The following POTEB3 variants were observed in gnomAD, a reference collection of about 807,000 sequenced individuals.
POTEB3 encodes POTE ankyrin domain family member B3, also known as ANKRD26-like family B member 1.
A neutral mutation model predicts 39.8 loss-of-function variants in POTEB3; 5 were observed. The observed-to-expected ratio is 0.13, with a 90% CI of 0.07 to 0.26. POTEB3 has a LOEUF of 0.26. Ranked by LOEUF, POTEB3 falls within the 10% of genes least tolerant of loss-of-function variation. The probability of loss-of-function intolerance (pLI) is 1.00; values close to 1 mark genes in which losing one functional copy is unlikely to be tolerated. For synonymous variants in POTEB3, 5 were observed against 161.5 expected, an observed-to-expected ratio of 0.03 and a Z score of 7.35; for missense variants, 24 against 475.6, an observed-to-expected ratio of 0.05 and a Z score of 8.83.
intron 3 of POTEB3, among the ~76,000 whole-genome samples, chr15:21,434,080 CAAAAAA>C (rs71256186): frequency 2.5e-5 from 3 of 120,768 alleles, no homozygotes; most frequent in African/African-American, 9.9e-5. Flanking sequence ...AAAACAAAAA[CAAAAAA>C]AAAACCTCTT....
chr15:21,421,480 G>A (rs1312624071), intron 7 of POTEB3, among the ~76,000 whole-genome samples: 1 of 131,532 alleles, frequency 7.6e-6, no homozygotes, highest in Non-Finnish European at 1.6e-5. Context: ...TCTTGTAATA[G>A]GCAGTTGGGT....
intron 6 of POTEB3, chr15:21,424,958 A>C (rs1308734721): frequency 2.0e-5 from 3 of 147,796 alleles, no homozygotes; most frequent in African/African-American, 7.5e-5. Flanking sequence ...ACATGAAAAA[A>C]ATTAAGCAAA....
chr15:21,419,751 C>A (rs1209970535), intron 8 of POTEB3, 121 bp from the exon 9 acceptor site: 1 of 384,684 alleles, frequency 2.6e-6, no homozygotes. Flanking sequence ...ATATTTCACA[C>A]TTAAATTTGA....
chr15:21,409,740 C>T lies in POTEB3; in HGVS notation c.1534-545G>A, dbSNP rs1328814484. Among the ~76,000 whole-genome samples, 10 of 101,036 alleles carry T rather than the reference C, an allele frequency of 9.9e-5. No individual in the cohort carries two copies. In the East Asian group the frequency reaches 1.3e-3, roughly 13 times the overall value. The allele number at this position is 101,036 out of a possible 152,430, so 66.3% of individuals were successfully genotyped here. ...TTGTACCCTTCTACAATGTACACAC[C>T]GGCATCTAAGCATTGCACTTCTACA... On this transcript the variant is annotated intron_variant, in intron 10 of 10. Coordinates refer to ENST00000611217, the MANE Select transcript of POTEB3 (RefSeq NM_207355.5).
chr15:21,410,308 A>T (rs1412896945), intron 10 of POTEB3, among the ~76,000 whole-genome samples: 1 of 90,286 alleles, frequency 1.1e-5, no homozygotes, highest in Non-Finnish European at 2.0e-5. Flanking sequence ...ATAAATTATC[A>T]CTAAATGTGT....
At chr15:21,433,280 G>T (rs1161486930) in intron 3 of POTEB3, among the ~76,000 whole-genome samples, 9 of 150,994 alleles carry the variant, frequency 6.0e-5, no homozygotes, top group East Asian at 1.9e-4. Flanking sequence ...TAGAGACAGG[G>T]TCTCATTATG....
chr15:21,413,506 TTATA>T (rs1160375320), intron 9 of POTEB3, among the ~76,000 whole-genome samples: 1 of 1,450 alleles, frequency 6.9e-4, no homozygotes, highest in Non-Finnish European at 9.5e-4. Flanking sequence ...ATAAAGAAAA[TTATA>T]TATATATATA....
At chr15:21,433,513 T>C (rs2141372245) in intron 3 of POTEB3, among the ~76,000 whole-genome samples, 1 of 150,686 alleles carries the variant, frequency 6.6e-6, no homozygotes, top group East Asian at 1.9e-4. Context: ...AATGCACAAC[T>C]CTAGCTGGAA....
intron 8 of POTEB3, 139 bp from the exon 9 acceptor site, chr15:21,419,769 T>C (rs1233021735): frequency 2.3e-6 from 1 of 426,692 alleles, no homozygotes; most frequent in Non-Finnish European, 4.3e-6. Context: ...TGATCATATA[T>C]ACAGAACTAT....
At chr15:21,426,463 T>G (rs1485630533) in intron 6 of POTEB3, among the ~76,000 whole-genome samples, 4 of 149,242 alleles carry the variant, frequency 2.7e-5, no homozygotes, top group Non-Finnish European at 5.9e-5. Context: ...GTCTGTATTT[T>G]TAATTGTGTG....
At chr15:21,419,735 T>G (rs1474706236) in intron 8 of POTEB3, 105 bp from the exon 9 acceptor site, 1 of 360,944 alleles carries the variant, frequency 2.8e-6, no homozygotes, top group Admixed American at 4.7e-5. Context: ...ATTTTAGTCA[T>G]TAAAAATATT....
At chr15:21,434,134 C>T (rs1165814039) in intron 3 of POTEB3, among the ~76,000 whole-genome samples, 28 of 142,724 alleles carry the variant, frequency 2.0e-4, no homozygotes, top group African/African-American at 6.5e-4. Flanking sequence ...TCCAAGTTGG[C>T]CTTGGTATTT....
intron 3 of POTEB3, 102 bp downstream of exon 3, chr15:21,434,559 G>T (rs1474837401): frequency 3.7e-5 from 2 of 54,140 alleles, no homozygotes; most frequent in African/African-American, 2.2e-4. Context: ...TTTCATTCAG[G>T]TTATGCTTGA....
At chr15:21,428,633 TA>T (rs1340163811) in intron 5 of POTEB3, among the ~76,000 whole-genome samples, 2 of 149,328 alleles carry the variant, frequency 1.3e-5, no homozygotes, top group South Asian at 2.1e-4. Context: ...ACTCTACTTT[TA>T]TTTTTTTTCA....
intron 6 of POTEB3, chr15:21,425,100 A>G (rs1241481702): frequency 6.9e-6 from 1 of 144,044 alleles, no homozygotes; most frequent in Non-Finnish European, 1.5e-5. Flanking sequence ...GATGTGTGAC[A>G]TGGAAACTAT....
At chr15:21,427,935 GAAA>G (rs1274220527) in intron 5 of POTEB3, among the ~76,000 whole-genome samples, 180 bp from the exon 6 acceptor site, 3 of 119,952 alleles carry the variant, frequency 2.5e-5, no homozygotes, top group Admixed American at 1.8e-4. Context: ...AATTAAAGAA[GAAA>G]AAAAATTAGG....
rs1898217219 is a variant in POTEB3, at chr15:21,405,698, A to T, written c.*3285T>A. On this transcript the variant is annotated 3_prime_UTR_variant, in exon 11 of 11. Coordinates refer to ENST00000611217, the MANE Select transcript of POTEB3 (RefSeq NM_207355.5). ...AGGTCTGGTGATAATGAATTCCCTC[A>T]GCATTTGCTTGCCTGAAAAGGATCT... Among the ~76,000 whole-genome samples, 2 of 82,668 alleles carry T rather than the reference A, an allele frequency of 2.4e-5. 1 individual carries two copies. The highest frequency in any genetic ancestry group is 4.3e-5 in the Non-Finnish European group (2 of 46,614). 54.2% of individuals were successfully genotyped at this position (82,668 alleles called of 152,430 possible).
chr15:21,428,911 C>T (rs1898836698), intron 5 of POTEB3: 1 of 130,782 alleles, frequency 7.6e-6, no homozygotes, highest in Non-Finnish European at 1.6e-5. Context: ...AGTTGTGCTG[C>T]CTCCTTATGC....
rs1431602320 is a variant in POTEB3 at position 21,422,815 on chromosome 15, C to G, written c.1127-625G>C. 2.6e-4 allele frequency among the ~76,000 whole-genome samples: 39 copies of G among 151,534 alleles called. 1 individual carries two copies. The highest frequency in any genetic ancestry group is 2.5e-3 in the South Asian group (12 of 4,778). ...AGCTATGCAGTGGTTGCAAAACTGT[C>G]ACTATATGATTAACTGCCTTTGTTC... On this transcript the variant is annotated intron_variant, in intron 6 of 10. Transcript: ENST00000611217.
Sources: allele counts gnomAD v4.1 joint callset (sites outside exome capture counted in the v4.1 genomes callset), GRCh38; gene constraint gnomAD v4.1.1; transcripts MANE v1.5; gene names NCBI Gene and HGNC (gene_info 2026-07-23, HGNC 2026-07-21).